Variants in PAM16 observed in about 807,000 individuals in gnomAD.
PAM16 encodes mitochondrial import inner membrane translocase subunit TIM16.
Under a neutral mutation model 17.9 loss-of-function variants are expected in PAM16, and 11 were observed. The ratio of observed to expected loss-of-function variants is 0.62; its 90% CI spans 0.39 to 1.02. The LOEUF is 1.02. PAM16 is among the 50% of genes least tolerant of loss of function. The probability of loss-of-function intolerance (pLI) is 0.01; values close to 1 mark genes in which losing one functional copy is unlikely to be tolerated. For synonymous variants in PAM16, 72 were observed against 67.4 expected (o/e 1.07, Z -0.34); for missense variants, 199 against 165.4 (o/e 1.20, Z -1.11).
chr16:4,345,037 G>T (rs964458007), intron 1 of PAM16, among the ~76,000 whole-genome samples: 1 of 152,052 alleles, frequency 6.6e-6, no homozygotes, highest in African/African-American at 2.4e-5. Context: ...GGAATCTGGC[G>T]GATGACATGG....
chr16:4,343,570 A>T (rs2053685849), intron 1 of PAM16: 1 of 1,390,068 alleles, frequency 7.2e-7, no homozygotes, highest in Non-Finnish European at 9.3e-7. Flanking sequence ...GTAGAGGAGC[A>T]AGGCAAAGTG....
At chr16:4,344,444 C>CCG (rs2053709950) in intron 1 of PAM16, among the ~76,000 whole-genome samples, 2 of 1,986 alleles carry the variant, frequency 1.0e-3, no homozygotes, top group Non-Finnish European at 1.8e-3. Flanking sequence ...AGGGGGTTCT[C>CCG]TGAGAGGAGG....
At position 4,341,365 on chromosome 16, in the gene PAM16, C is replaced by T; in HGVS notation, c.225+3G>A. The T allele has an allele frequency of 6.4e-7, 1 of 1,571,684 alleles. No homozygotes were observed. The highest frequency in any genetic ancestry group is 1.3e-5 in the African/African-American group (1 of 74,222). ...AAACTTTGGGGTGGCCCAGTGGCCT[C>T]ACCTTCTGGACCTCCTCAGGGCTCA... is the stretch of plus-strand genomic sequence containing the variant. On this transcript the variant is annotated splice_donor_region_variant and intron_variant, in intron 3 of 4. Transcript: ENST00000318059.
intron 1 of PAM16, chr16:4,348,300 C>A (rs185298949): frequency 6.6e-6 from 1 of 152,344 alleles, no homozygotes; most frequent in African/African-American, 2.4e-5. Context: ...GGCAGGGTTT[C>A]CAAGCGCCTC....
intron 1 of PAM16, chr16:4,345,745 G>T: frequency 1.9e-6 from 1 of 534,806 alleles, no homozygotes; most frequent in Non-Finnish European, 2.4e-6. Flanking sequence ...CTGCAGATGA[G>T]GGAGGGTCAG....
At chr16:4,341,022 C>T (rs1223616266) in intron 3 of PAM16, 37 bp from the exon 4 acceptor site, 1 of 1,612,066 alleles carries the variant, frequency 6.2e-7, no homozygotes, top group South Asian at 1.1e-5. Context: ...GGGCTGCAGA[C>T]TGCAGGCAAG....
At chr16:4,342,258 T>G (rs1297385694) in intron 2 of PAM16, among the ~76,000 whole-genome samples, 1 of 152,230 alleles carries the variant, frequency 6.6e-6, no homozygotes, top group Admixed American at 6.5e-5. Flanking sequence ...CTGGAGAGGC[T>G]GAGGCAGGAG....
At chr16:4,348,187 G>A (rs915263839) in intron 1 of PAM16, 6 of 152,256 alleles carry the variant, frequency 3.9e-5, no homozygotes, top group African/African-American at 1.4e-4. Flanking sequence ...CAACATCAGG[G>A]ACCTGGCCAG....
intron 2 of PAM16, among the ~76,000 whole-genome samples, chr16:4,342,936 C>T (rs761144828): frequency 5.9e-5 from 9 of 152,106 alleles, no homozygotes; most frequent in East Asian, 5.8e-4. Context: ...CCAGCCTGGG[C>T]GACAGAGTGA....
intron 1 of PAM16, chr16:4,347,078 T>G (rs1415373449): frequency 6.6e-6 from 1 of 152,198 alleles, no homozygotes; most frequent in Non-Finnish European, 1.5e-5. Context: ...GGTGCAATCA[T>G]GGCTCACTTG....
chr16:4,341,024 G>A, intron 3 of PAM16, 39 bp from the exon 4 acceptor site: 1 of 1,611,650 alleles, frequency 6.2e-7, no homozygotes, highest in Non-Finnish European at 8.5e-7. Flanking sequence ...GCTGCAGACT[G>A]CAGGCAAGAG....
intron 1 of PAM16, chr16:4,346,004 T>C (rs774903258): frequency 5.1e-6 from 5 of 983,844 alleles, no homozygotes; most frequent in Non-Finnish European, 6.0e-6. Context: ...CCAAGGCCAA[T>C]GACTGTTGCA....
intron 1 of PAM16, 121 bp from the exon 2 acceptor site, chr16:4,343,412 T>C (rs2053682247): frequency 6.8e-7 from 1 of 1,472,580 alleles, no homozygotes; most frequent in Admixed American, 2.5e-5. Flanking sequence ...AGCACAGAGC[T>C]GCAGCCCCAG....
chr16:4,342,910 A>G (rs955808049), intron 2 of PAM16, among the ~76,000 whole-genome samples: 2 of 152,212 alleles, frequency 1.3e-5, no homozygotes, highest in African/African-American at 4.8e-5. Flanking sequence ...GTGAGCCAAG[A>G]TTGCCCCACT....
At chr16:4,341,617 A>G (rs1230211910) in intron 2 of PAM16, 113 bp from the exon 3 acceptor site, 1 of 1,457,966 alleles carries the variant, frequency 6.9e-7, no homozygotes, top group East Asian at 2.5e-5. Context: ...ACACAGGGAC[A>G]GGTGGCTAGG....
intron 1 of PAM16, chr16:4,346,004 T>G: frequency 1.0e-6 from 1 of 983,844 alleles, no homozygotes; most frequent in African/African-American, 1.7e-5. Flanking sequence ...CCAAGGCCAA[T>G]GACTGTTGCA....
At chr16:4,348,652 A>T (rs1167334092) in intron 1 of PAM16, 1 of 150,566 alleles carries the variant, frequency 6.6e-6, no homozygotes, top group Non-Finnish European at 1.5e-5. Flanking sequence ...ATACCTTCCG[A>T]CAGCACTTTC....
At chr16:4,343,029 G>A (rs933038131) in intron 2 of PAM16, among the ~76,000 whole-genome samples, 178 bp downstream of exon 2, 7 of 152,224 alleles carry the variant, frequency 4.6e-5, no homozygotes, top group Admixed American at 3.9e-4. Flanking sequence ...TGCCCTGGAT[G>A]CTCTTGCTAA....
At position 4,344,383 on chromosome 16, in the gene PAM16, G is replaced by A. The variant is rs1300899098; in HGVS notation, c.4-1092C>T. 5.6e-4 allele frequency among the ~76,000 whole-genome samples: 2 copies of A among 3,564 alleles called. 1 individual carries two copies. Among genetic ancestry groups the A allele is most frequent in the Non-Finnish European group, 1.1e-3 (2 of 1,830 alleles). The allele number at this position is 3,564 out of a possible 152,430, so 2.3% of individuals were successfully genotyped here. ...AGGGGGTTCTGTGTGAGAGGAGGGG[G>A]TTCTGTGTGAGAGGAGGGGGTTCTG... On this transcript the variant is annotated intron_variant, in intron 1 of 4. Transcript: ENST00000318059.
Sources: gnomAD v4.1 joint callset for allele counts (sites outside exome capture counted in the v4.1 genomes callset) on GRCh38, gnomAD v4.1.1 for gene constraint, MANE v1.5 for transcripts, NCBI Gene and HGNC (gene_info 2026-07-23, HGNC 2026-07-21) for gene names.